Variants in SDK1 observed in about 807,000 individuals in gnomAD.
SDK1 encodes protein sidekick-1.
Under a neutral mutation model 245.5 loss-of-function variants are expected in SDK1, and 157 were observed. That is an observed-to-expected ratio of 0.64 (90% CI 0.56 to 0.73). SDK1 has a LOEUF of 0.73. Among genes scored for constraint, SDK1 ranks in the 30% least tolerant of loss-of-function variants. SDK1 has a pLI of 0.00. For missense variants in SDK1, 3,583 were observed against 3,002.3 expected (o/e 1.19, Z -4.52); for synonymous variants, 1,647 against 1,278.5 (o/e 1.29, Z -6.15).
intron 4 of SDK1, among the ~76,000 whole-genome samples, chr7:3,702,875 A>C (rs551816986): frequency 1.3e-5 from 2 of 152,090 alleles, no homozygotes; most frequent in Non-Finnish European, 2.9e-5. Flanking sequence ...TGCAGATTGA[A>C]ACCAAAATAA....
chr7:3,586,479 C>G (rs928289307), intron 1 of SDK1, among the ~76,000 whole-genome samples: 23 of 150,976 alleles, frequency 1.5e-4, no homozygotes, highest in Non-Finnish European at 2.9e-5. Context: ...GGGTGGATCA[C>G]GAGGTCAGGA....
At chr7:3,993,695 C>A (rs1278886698) in intron 14 of SDK1, among the ~76,000 whole-genome samples, 1 of 152,214 alleles carries the variant, frequency 6.6e-6, no homozygotes, top group Non-Finnish European at 1.5e-5. Flanking sequence ...TCCTCCAGCC[C>A]TTCCTCCAGG....
chr7:4,089,792 C>A (rs561619022), intron 22 of SDK1, among the ~76,000 whole-genome samples: 1 of 152,206 alleles, frequency 6.6e-6, no homozygotes, highest in African/African-American at 2.4e-5. Flanking sequence ...TATAGACAAG[C>A]CTTAAGAATC....
At chr7:3,623,016 A>T (rs1038759270) in intron 2 of SDK1, among the ~76,000 whole-genome samples, 2 of 152,080 alleles carry the variant, frequency 1.3e-5, no homozygotes, top group Non-Finnish European at 2.9e-5. Context: ...AGCCTTCATG[A>T]GACCTTTGTA....
At chr7:3,994,898 A>T (rs1784588377) in intron 14 of SDK1, among the ~76,000 whole-genome samples, 1 of 152,058 alleles carries the variant, frequency 6.6e-6, no homozygotes, top group Admixed American at 6.5e-5. Context: ...CAGGAACCTC[A>T]CTGAGTGGTT....
intron 5 of SDK1, among the ~76,000 whole-genome samples, chr7:3,897,932 T>C (rs1277495620): frequency 6.6e-6 from 1 of 152,174 alleles, no homozygotes; most frequent in Non-Finnish European, 1.5e-5. Flanking sequence ...TCTCTCACTC[T>C]TTTCTTCTCC....
chr7:4,127,580 G>A lies in SDK1; in HGVS notation c.3939+84G>A, dbSNP rs533116305. 67 of 968,500 alleles carry A rather than the reference G, an allele frequency of 6.9e-5. No homozygotes were observed. In the South Asian group the frequency reaches 7.1e-4, roughly 10 times the overall value. 60.0% of individuals were successfully genotyped at this position (968,500 alleles called of 1,614,324 possible). ...ATGTGCTATTCCCCCAAAGCAACGA[G>A]CTTCCTCTTCTCCTACAGATCTGCA... On this transcript the variant is annotated intron_variant, in intron 26 of 44. Transcript: ENST00000404826.
intron 4 of SDK1, among the ~76,000 whole-genome samples, chr7:3,809,867 T>TG (rs1779342531): frequency 6.6e-6 from 1 of 152,130 alleles, no homozygotes; most frequent in African/African-American, 2.4e-5. Context: ...GCATTTGACT[T>TG]GTCAGGAATC....
Position 3,967,399 on chromosome 7 carries a change from C to T in SDK1, c.1511C>T (p.Ser504Phe). 2 of 1,614,052 alleles carry T rather than the reference C, an allele frequency of 1.2e-6. No homozygotes were observed. Among genetic ancestry groups the T allele is most frequent in the Non-Finnish European group, 1.7e-6 (2 of 1,179,934 alleles). Residue 504 changes from serine (S) to phenylalanine (F), a missense_variant, in exon 10 of 45, where the codon TCC (serine) becomes TTC (phenylalanine). Physicochemically the swap from Ser to Phe is radical, Grantham distance 155. Transcript: ENST00000404826. ...GMTAILRCEV[S>F]GAPKPAITWK... ...ACAGCCATTCTAAGGTGTGAGGTGTCCGGGGCTCCCAAACCCGCCATCACC... is the reference window on the plus strand; with the variant it reads ...ACAGCCATTCTAAGGTGTGAGGTGTTCGGGGCTCCCAAACCCGCCATCACC...
chr7:3,771,799 T>A (rs1449679216), intron 4 of SDK1, among the ~76,000 whole-genome samples: 1 of 152,328 alleles, frequency 6.6e-6, no homozygotes, highest in South Asian at 2.1e-4. Context: ...GAATGTATAC[T>A]TCACTGCCAT....
intron 1 of SDK1, among the ~76,000 whole-genome samples, chr7:3,329,200 ATGGT>A (rs1780007265): frequency 1.3e-5 from 2 of 152,128 alleles, no homozygotes; most frequent in Non-Finnish European, 2.9e-5. Flanking sequence ...TTTGCAGATA[ATGGT>A]TGGTACTCAT....
intron 4 of SDK1, among the ~76,000 whole-genome samples, chr7:3,810,433 C>A (rs985202452): frequency 2.0e-5 from 3 of 152,092 alleles, no homozygotes; most frequent in African/African-American, 7.2e-5. Flanking sequence ...CTCCTTCATG[C>A]CGTTCCTCTG....
At chr7:3,829,306 G>A (rs920381522) in intron 5 of SDK1, among the ~76,000 whole-genome samples, 3 of 152,142 alleles carry the variant, frequency 2.0e-5, no homozygotes, top group Non-Finnish European at 2.9e-5. Flanking sequence ...ATGCAGATGT[G>A]ATTATAAATC....
At chr7:3,600,177 G>C (rs1401643684) in intron 1 of SDK1, among the ~76,000 whole-genome samples, 1 of 152,092 alleles carries the variant, frequency 6.6e-6, no homozygotes, top group Non-Finnish European at 1.5e-5. Flanking sequence ...ATTCTCTTTG[G>C]AGTGATTGTA....
At chr7:3,418,825 A>G (rs753556581) in intron 1 of SDK1, among the ~76,000 whole-genome samples, 6 of 152,172 alleles carry the variant, frequency 3.9e-5, no homozygotes, top group Non-Finnish European at 8.8e-5. Context: ...GTCGTCCCTC[A>G]TTGTACACCG....
intron 28 of SDK1, among the ~76,000 whole-genome samples, chr7:4,135,545 C>A (rs981452264): frequency 1.3e-5 from 2 of 152,212 alleles, no homozygotes; most frequent in Non-Finnish European, 2.9e-5. Context: ...TTTCCTTTCC[C>A]CTGTGTTTTC....
At chr7:3,654,739 C>T (rs989184589) in intron 4 of SDK1, among the ~76,000 whole-genome samples, 1 of 152,116 alleles carries the variant, frequency 6.6e-6, no homozygotes, top group African/African-American at 2.4e-5. Flanking sequence ...GGATGGGGAT[C>T]GTAGAATTGC....
At chr7:3,624,818 G>A (rs1337922354) in intron 2 of SDK1, among the ~76,000 whole-genome samples, 1 of 152,004 alleles carries the variant, frequency 6.6e-6, no homozygotes, top group Non-Finnish European at 1.5e-5. Context: ...GGCCGAGGGA[G>A]GCGCATCACC....
chr7:3,847,725 C>T (rs573941269), intron 5 of SDK1, among the ~76,000 whole-genome samples: 2 of 152,214 alleles, frequency 1.3e-5, no homozygotes, highest in African/African-American at 4.8e-5. Flanking sequence ...TTTGTACCTG[C>T]AAATAGTTGC....
Sources: allele counts gnomAD v4.1 joint callset (sites outside exome capture counted in the v4.1 genomes callset), GRCh38; gene constraint gnomAD v4.1.1; transcripts MANE v1.5; gene names NCBI Gene and HGNC (gene_info 2026-07-23, HGNC 2026-07-21).